The following PRKG1 variants were observed in gnomAD, a reference collection of about 807,000 sequenced individuals.
PRKG1 encodes protein kinase cGMP-dependent 1.
PRKG1 carries 35 observed loss-of-function variants against 88.1 expected under a neutral mutation model. That is an observed-to-expected ratio of 0.40 (90% CI 0.30 to 0.53). The LOEUF is 0.53. Among genes scored for constraint, PRKG1 ranks in the 20% least tolerant of loss-of-function variants. The probability of loss-of-function intolerance (pLI) is 0.59; values close to 1 mark genes in which losing one functional copy is unlikely to be tolerated. For synonymous variants in PRKG1, 303 were observed against 292.5 expected (o/e 1.04, Z -0.37); for missense variants, 540 against 839.8 (o/e 0.64, Z 4.41).
At chr10:52,235,056 A>G (rs1460579439) in intron 9 of PRKG1, among the ~76,000 whole-genome samples, 1 of 80,982 alleles carries the variant, frequency 1.2e-5, no homozygotes, top group Non-Finnish European at 2.3e-5. Context: ...TTTCATATCC[A>G]GCCAAACTAA....
intron 3 of PRKG1, among the ~76,000 whole-genome samples, chr10:51,685,704 T>C (rs74708962): frequency 0.016 from 2,505 of 152,212 alleles, 55 homozygotes; most frequent in African/African-American, 0.057. Flanking sequence ...TTCCATAATG[T>C]GGTGGGGAAG....
chr10:52,119,454 T>A (rs1045579027), intron 7 of PRKG1, among the ~76,000 whole-genome samples: 1 of 152,194 alleles, frequency 6.6e-6, no homozygotes, highest in Non-Finnish European at 1.5e-5. Flanking sequence ...TTTTGAGGTA[T>A]TTTAGGTAAA....
chr10:51,566,195 C>G, intron 3 of PRKG1, among the ~76,000 whole-genome samples: 1 of 151,958 alleles, frequency 6.6e-6, no homozygotes, highest in East Asian at 1.9e-4. Flanking sequence ...TTTCTCTCTC[C>G]AGGGATAAGA....
chr10:51,617,292 C>A (rs1167541752), intron 3 of PRKG1, among the ~76,000 whole-genome samples: 1 of 152,112 alleles, frequency 6.6e-6, no homozygotes, highest in African/African-American at 2.4e-5. Flanking sequence ...TTAGGTGTAT[C>A]CTGTCACTTT....
rs139923594 is a variant in PRKG1 at position 51,892,774 on chromosome 10, C to A, written c.699-14733C>A. On this transcript the variant is annotated intron_variant, in intron 4 of 17. Transcript: ENST00000373980. ...CTGCACATTGAAGATGTGTGCTGTC[C>A]CAAATGCCAATAGAGCCCCATGGAG... 7.2e-5 allele frequency among the ~76,000 whole-genome samples: 11 copies of A among 152,182 alleles called. No individual in the cohort carries two copies. The South Asian group carries it at 1.7e-3, about 23-fold the overall frequency.
chr10:51,337,132 A>T (rs769623475), intron 2 of PRKG1, among the ~76,000 whole-genome samples: 2 of 152,208 alleles, frequency 1.3e-5, no homozygotes, highest in Non-Finnish European at 2.9e-5. Flanking sequence ...CCAATCTTTG[A>T]CAAACCTGAG....
At position 51,926,319 on chromosome 10, in the gene PRKG1, T is replaced by C. The variant is rs146665052; in HGVS notation, c.762+18749T>C. Among the ~76,000 whole-genome samples, 797 of 152,190 alleles carry C rather than the reference T, an allele frequency of 5.2e-3. 8 individuals carry two copies. Among genetic ancestry groups the C allele is most frequent in the African/African-American group, 0.018 (760 of 41,516 alleles). On this transcript the variant is annotated intron_variant, in intron 5 of 17. Coordinates refer to ENST00000373980, the MANE Select transcript of PRKG1 (RefSeq NM_006258.4). ...AGCAGAAACTGGGATTGAAGGAGTG[T>C]AAGTTTGGAAATAGAAAATGTGGTG...
intron 1 of PRKG1, among the ~76,000 whole-genome samples, chr10:51,112,746 T>A (rs991068211): frequency 6.6e-6 from 1 of 152,126 alleles, no homozygotes; most frequent in East Asian, 1.9e-4. Flanking sequence ...GCATTTTAAA[T>A]TTTCAGTCTT....
At chr10:51,373,446 A>C (rs565520088) in intron 2 of PRKG1, among the ~76,000 whole-genome samples, 1 of 152,260 alleles carries the variant, frequency 6.6e-6, no homozygotes, top group Non-Finnish European at 1.5e-5. Flanking sequence ...TTTAAAAAAT[A>C]AAATTAGTTC....
intron 2 of PRKG1, among the ~76,000 whole-genome samples, chr10:51,336,258 C>G (rs908499328): frequency 2.0e-5 from 3 of 152,054 alleles, no homozygotes; most frequent in Non-Finnish European, 4.4e-5. Context: ...GAGGCTGACG[C>G]AGGAGAATCA....
chr10:51,855,247 A>G (rs967881481), intron 4 of PRKG1, among the ~76,000 whole-genome samples: 3 of 152,166 alleles, frequency 2.0e-5, no homozygotes, highest in African/African-American at 4.8e-5. Flanking sequence ...TGATTGAGTC[A>G]TGACTTGTCC....
chr10:52,036,622 G>T (rs1358746250), intron 5 of PRKG1, among the ~76,000 whole-genome samples: 3 of 151,640 alleles, frequency 2.0e-5, no homozygotes, highest in Admixed American at 1.3e-4. Flanking sequence ...TAAGGTGGGG[G>T]GATACAAGAG....
intron 2 of PRKG1, among the ~76,000 whole-genome samples, chr10:51,186,029 A>G (rs1208202316): frequency 6.6e-6 from 1 of 151,858 alleles, no homozygotes; most frequent in Non-Finnish European, 1.5e-5. Flanking sequence ...TTTATTTCCA[A>G]TTTTGTTAAC....
In PRKG1 at chr10:51,560,785, G is replaced by A. The variant is rs558767296; in HGVS notation, c.592+92949G>A. Among the ~76,000 whole-genome samples the A allele has an allele frequency of 8.1e-4, 123 of 152,002 alleles. 1 individual carries two copies. Among genetic ancestry groups the A allele is most frequent in the Non-Finnish European group, 6.6e-4 (45 of 67,958 alleles). On this transcript the variant is annotated intron_variant, in intron 3 of 17. Coordinates refer to ENST00000373980, the MANE Select transcript of PRKG1 (RefSeq NM_006258.4). ...CAAAAATAGCATGCCATATTAATTC[G>A]TAAGAAATGATTTTGTGATTCAATA...
intron 12 of PRKG1, among the ~76,000 whole-genome samples, chr10:52,273,316 T>C (rs1009780083): frequency 6.6e-6 from 1 of 152,092 alleles, no homozygotes; most frequent in Non-Finnish European, 1.5e-5. Context: ...TTATTGATCA[T>C]ACAAAAGTCA....
intron 2 of PRKG1, among the ~76,000 whole-genome samples, chr10:51,170,764 T>TG (rs1250538341): frequency 1.7e-3 from 5 of 2,878 alleles, no homozygotes; most frequent in African/African-American, 4.2e-3. Flanking sequence ...ATTGCAGGGG[T>TG]GGGGGGGTGG....
chr10:52,194,617 T>C (rs544462015), intron 9 of PRKG1, among the ~76,000 whole-genome samples: 70 of 152,310 alleles, frequency 4.6e-4, no homozygotes, highest in Middle Eastern at 3.4e-3. Flanking sequence ...TCTCTGGTTT[T>C]AACAATGTGA....
At chr10:51,638,486 ATGCAT>A (rs1309430968) in intron 3 of PRKG1, among the ~76,000 whole-genome samples, 2 of 152,198 alleles carry the variant, frequency 1.3e-5, no homozygotes, top group African/African-American at 4.8e-5. Context: ...GAATTTTATT[ATGCAT>A]TCATCAAATC....
At chr10:52,132,380 A>G (rs1022498805) in intron 7 of PRKG1, among the ~76,000 whole-genome samples, 20 of 152,162 alleles carry the variant, frequency 1.3e-4, no homozygotes, top group African/African-American at 4.6e-4. Flanking sequence ...TCATTAAGCT[A>G]TTTCTGAAAA....
Sources: gnomAD v4.1 joint callset for allele counts (sites outside exome capture counted in the v4.1 genomes callset) on GRCh38, gnomAD v4.1.1 for gene constraint, MANE v1.5 for transcripts, NCBI Gene and HGNC (gene_info 2026-07-23, HGNC 2026-07-21) for gene names.